CADPS2: variants seen among roughly 807,000 people sequenced by gnomAD.
CADPS2 encodes the protein calcium dependent secretion activator 2.
CADPS2 carries 93 observed loss-of-function variants against 172.5 expected under a neutral mutation model. The ratio of observed to expected loss-of-function variants is 0.54; its 90% CI spans 0.46 to 0.64. CADPS2 has a LOEUF of 0.64. CADPS2 is among the 30% of genes least tolerant of loss of function. The pLI is 0.00. For missense variants in CADPS2, 1,420 were observed against 1,565.9 expected (o/e 0.91, Z 1.57); for synonymous variants, 546 against 555.2 (o/e 0.98, Z 0.23).
intron 1 of CADPS2, among the ~76,000 whole-genome samples, chr7:122,743,140 T>G (rs890384180): frequency 3.3e-5 from 5 of 151,822 alleles, no homozygotes; most frequent in Non-Finnish European, 7.4e-5. Flanking sequence ...TTGCAGAAAC[T>G]TAACTAAAAC....
intron 6 of CADPS2, among the ~76,000 whole-genome samples, chr7:122,604,388 T>C (rs2073214209): frequency 6.6e-6 from 1 of 152,140 alleles, no homozygotes; most frequent in Non-Finnish European, 1.5e-5. Context: ...ATTTGTACTT[T>C]AATGCCCCCT....
chr7:122,436,767 T>C (rs940814235), intron 17 of CADPS2, among the ~76,000 whole-genome samples: 3 of 152,082 alleles, frequency 2.0e-5, no homozygotes, highest in South Asian at 4.1e-4. Context: ...GGTACTACCA[T>C]AGGCTCTTGT....
intron 3 of CADPS2, among the ~76,000 whole-genome samples, chr7:122,654,561 A>C (rs1240503889): frequency 6.6e-6 from 1 of 152,224 alleles, no homozygotes; most frequent in Non-Finnish European, 1.5e-5. Flanking sequence ...ATGACAGCAC[A>C]TATGTTTCCA....
intron 8 of CADPS2, among the ~76,000 whole-genome samples, chr7:122,527,582 TAGAGAG>T (rs35881192): frequency 9.3e-4 from 85 of 91,758 alleles, no homozygotes; most frequent in South Asian, 2.8e-3. Context: ...TAATACTGAA[TAGAGAG>T]AGAGAGAGAG....
chr7:122,327,910 T>G (rs1280945240), intron 28 of CADPS2, among the ~76,000 whole-genome samples: 1 of 151,770 alleles, frequency 6.6e-6, no homozygotes, highest in Non-Finnish European at 1.5e-5. Context: ...CAGCAAAAGC[T>G]TCTAAGAAAA....
Position 122,393,326 on chromosome 7 carries a change from A to T in CADPS2, c.2889-11T>A. The T allele has an allele frequency of 6.2e-7, 1 of 1,613,804 alleles. No homozygotes were observed. Among genetic ancestry groups the T allele is most frequent in the East Asian group, 2.2e-5 (1 of 44,868 alleles). On this transcript the variant is annotated splice_polypyrimidine_tract_variant and intron_variant, in intron 21 of 29. Coordinates refer to ENST00000449022, the MANE Select transcript of CADPS2 (RefSeq NM_017954.11). The stretch of plus-strand genomic sequence containing the variant: ...CTGTTGGCGATATTCCTGTAAAGAA[A>T]CAAACAACGTGGGAAGGGACCACCA...
At chr7:122,793,554 A>C (rs1048542691) in intron 1 of CADPS2, among the ~76,000 whole-genome samples, 1 of 152,174 alleles carries the variant, frequency 6.6e-6, no homozygotes, top group Non-Finnish European at 1.5e-5. Flanking sequence ...TAAAGACAGC[A>C]TATCAATGGG....
intron 3 of CADPS2, among the ~76,000 whole-genome samples, chr7:122,634,552 G>A (rs908908454): frequency 2.6e-5 from 4 of 151,946 alleles, no homozygotes; most frequent in Non-Finnish European, 5.9e-5. Flanking sequence ...ACACTTGTAC[G>A]TATCCTTCTT....
chr7:122,490,291 A>G lies in CADPS2; in HGVS notation c.1652-10T>C. On this transcript the variant is annotated splice_polypyrimidine_tract_variant and intron_variant, in intron 10 of 29. Transcript: ENST00000449022. ...CAACCACCCTGAAGGCCTGTGGAGG[A>G]AACAAAAAGACATCATTAAAAATTT... The G allele has an allele frequency of 6.2e-7, 1 of 1,610,156 alleles. No homozygotes were observed. Among genetic ancestry groups the G allele is most frequent in the South Asian group, 1.1e-5 (1 of 90,824 alleles).
chr7:122,512,394 TA>T (rs1310653337), intron 9 of CADPS2, among the ~76,000 whole-genome samples: 10 of 152,258 alleles, frequency 6.6e-5, no homozygotes, highest in African/African-American at 2.4e-4. Context: ...ACTCTTTTCA[TA>T]TATTGGGAAC....
intron 19 of CADPS2, among the ~76,000 whole-genome samples, chr7:122,411,768 G>A (rs1585760351): frequency 6.6e-6 from 1 of 151,992 alleles, no homozygotes; most frequent in Non-Finnish European, 1.5e-5. Context: ...CATACACAGC[G>A]ACATGATTCT....
intron 8 of CADPS2, among the ~76,000 whole-genome samples, chr7:122,527,864 TC>T (rs897314899): frequency 5.9e-5 from 9 of 151,494 alleles, no homozygotes; most frequent in Middle Eastern, 3.4e-3. Flanking sequence ...AATAAATGTT[TC>T]CCCCAAAACA....
At chr7:122,732,791 T>C (rs2091784525) in intron 2 of CADPS2, among the ~76,000 whole-genome samples, 1 of 142,750 alleles carries the variant, frequency 7.0e-6, no homozygotes, top group South Asian at 2.1e-4. Flanking sequence ...ATATAATATA[T>C]ATACATTATA....
intron 3 of CADPS2, among the ~76,000 whole-genome samples, chr7:122,645,681 A>ATATCTATCTATCTCTC (rs796988558): frequency 8.6e-6 from 1 of 116,824 alleles, no homozygotes; most frequent in African/African-American, 3.2e-5. Flanking sequence ...ATATATATAT[A>ATATCTATCTATCTCTC]TCTTGGGATT....
intron 2 of CADPS2, among the ~76,000 whole-genome samples, chr7:122,727,029 G>A (rs1014283890): frequency 6.6e-6 from 1 of 151,866 alleles, no homozygotes; most frequent in Admixed American, 6.6e-5. Flanking sequence ...GCAGTGCCAC[G>A]GCTCAGAATT....
At chr7:122,389,872 A>G (rs897442324) in intron 22 of CADPS2, among the ~76,000 whole-genome samples, 1 of 152,192 alleles carries the variant, frequency 6.6e-6, no homozygotes, top group African/African-American at 2.4e-5. Context: ...CATTCTGCAC[A>G]TGTATCCCAG....
chr7:122,862,722 T>C (rs1006662811), intron 1 of CADPS2, among the ~76,000 whole-genome samples: 1 of 152,078 alleles, frequency 6.6e-6, no homozygotes, highest in African/African-American at 2.4e-5. Context: ...AAGCTCCATT[T>C]TGTTTTTTTT....
chr7:122,592,527 A>G (rs1053690200), intron 6 of CADPS2, among the ~76,000 whole-genome samples: 1 of 152,158 alleles, frequency 6.6e-6, no homozygotes, highest in African/African-American at 2.4e-5. Context: ...TGCTATAAAG[A>G]CACATGCACA....
chr7:122,374,197 A>G (rs917507477), intron 25 of CADPS2, among the ~76,000 whole-genome samples: 2 of 152,188 alleles, frequency 1.3e-5, no homozygotes, highest in African/African-American at 4.8e-5. Flanking sequence ...GACAAAACTA[A>G]GTAATGTTTC....
Sources: gnomAD v4.1 joint callset for allele counts (sites outside exome capture counted in the v4.1 genomes callset) on GRCh38, gnomAD v4.1.1 for gene constraint, MANE v1.5 for transcripts, NCBI Gene and HGNC (gene_info 2026-07-23, HGNC 2026-07-21) for gene names.